Variants in FHIT observed in about 807,000 individuals in gnomAD.
FHIT encodes bis(5'-adenosyl)-triphosphatase.
A neutral mutation model predicts 17.9 loss-of-function variants in FHIT; 19 were observed. That is an observed-to-expected ratio of 1.06 (90% CI 0.74 to 1.56). The LOEUF (loss-of-function observed/expected upper bound fraction) is 1.56, where lower values mean the gene tolerates loss of function less well. FHIT is among the 40% of genes most tolerant of loss of function. The pLI is 0.00. For synonymous variants in FHIT, 81 were observed against 69.7 expected (o/e 1.16, Z -0.81); for missense variants, 248 against 189.2 (o/e 1.31, Z -1.82).
chr3:60,927,808 G>T (rs1707727669), intron 3 of FHIT, among the ~76,000 whole-genome samples: 1 of 152,266 alleles, frequency 6.6e-6, no homozygotes, highest in African/African-American at 2.4e-5. Flanking sequence ...TCTGGGAGGT[G>T]TACCCACCAG....
At chr3:61,005,964 T>C (rs2031418997) in intron 3 of FHIT, among the ~76,000 whole-genome samples, 1 of 151,990 alleles carries the variant, frequency 6.6e-6, no homozygotes, top group South Asian at 2.1e-4. Flanking sequence ...CAGTTTAGAA[T>C]CTGAGGGTGA....
chr3:60,362,338 T>C (rs1409985121), intron 5 of FHIT, among the ~76,000 whole-genome samples: 3 of 152,220 alleles, frequency 2.0e-5, no homozygotes, highest in South Asian at 2.1e-4. Flanking sequence ...GATATTGAGA[T>C]ACAATACTTA....
intron 5 of FHIT, among the ~76,000 whole-genome samples, chr3:60,234,115 T>C (rs1197027536): frequency 6.6e-6 from 1 of 152,208 alleles, no homozygotes; most frequent in African/African-American, 2.4e-5. Context: ...CCAGTGCCTA[T>C]GATAGTGCCT....
intron 5 of FHIT, among the ~76,000 whole-genome samples, chr3:60,376,332 G>T (rs944942790): frequency 1.3e-5 from 2 of 152,152 alleles, no homozygotes; most frequent in African/African-American, 4.8e-5. Flanking sequence ...ATATTAATAA[G>T]TTGGTTAAGT....
intron 8 of FHIT, among the ~76,000 whole-genome samples, chr3:59,792,453 T>TG (rs1303066807): frequency 2.0e-5 from 3 of 152,120 alleles, no homozygotes; most frequent in African/African-American, 7.2e-5. Context: ...TCTGTACTAA[T>TG]GAGAAGCTTA....
At chr3:60,169,465 A>G (rs1376626728) in intron 5 of FHIT, among the ~76,000 whole-genome samples, 1 of 152,194 alleles carries the variant, frequency 6.6e-6, no homozygotes, top group Non-Finnish European at 1.5e-5. Context: ...CGTAATGAAA[A>G]CATTAAAAAC....
At chr3:60,889,073 C>A (rs988186982) in intron 3 of FHIT, among the ~76,000 whole-genome samples, 15 of 152,130 alleles carry the variant, frequency 9.9e-5, no homozygotes, top group Non-Finnish European at 8.8e-5. Context: ...CTACTCCACC[C>A]CAACTCATTC....
chr3:60,921,664 A>C (rs1707289865), intron 3 of FHIT, among the ~76,000 whole-genome samples: 1 of 152,168 alleles, frequency 6.6e-6, no homozygotes, highest in Non-Finnish European at 1.5e-5. Context: ...GTTGATCTTA[A>C]ATCAAAAGCC....
intron 4 of FHIT, among the ~76,000 whole-genome samples, chr3:60,787,951 A>G (rs1251116671): frequency 6.6e-6 from 1 of 152,216 alleles, no homozygotes; most frequent in Non-Finnish European, 1.5e-5. Flanking sequence ...GTTCCTGAGT[A>G]CAAGAAGAAT....
intron 8 of FHIT, among the ~76,000 whole-genome samples, chr3:59,809,842 T>C (rs1700345968): frequency 6.6e-6 from 1 of 152,172 alleles, no homozygotes; most frequent in Non-Finnish European, 1.5e-5. Flanking sequence ...TGTTCCTCCT[T>C]TGTTCCCCGC....
At chr3:60,595,892 G>A (rs150101700) in intron 4 of FHIT, among the ~76,000 whole-genome samples, 16 of 151,952 alleles carry the variant, frequency 1.1e-4, no homozygotes, top group African/African-American at 1.2e-4. Context: ...CCCACAGCAC[G>A]GGAATTATAG....
intron 1 of FHIT, among the ~76,000 whole-genome samples, chr3:61,227,152 C>T (rs904088291): frequency 7.2e-5 from 11 of 152,114 alleles, no homozygotes; most frequent in African/African-American, 1.7e-4. Context: ...GGACTTTTCT[C>T]CTCAGAATGT....
At chr3:60,021,273 A>AG (rs1700543937) in intron 5 of FHIT, among the ~76,000 whole-genome samples, 1 of 152,158 alleles carries the variant, frequency 6.6e-6, no homozygotes, top group Non-Finnish European at 1.5e-5. Context: ...ATCCTTGTCT[A>AG]GGCAACATGC....
chr3:60,076,612 T>C (rs1211290216), intron 5 of FHIT, among the ~76,000 whole-genome samples: 2 of 152,074 alleles, frequency 1.3e-5, no homozygotes, highest in African/African-American at 4.8e-5. Flanking sequence ...TGCATGTTTA[T>C]GTAGTGAGAC....
Position 60,290,151 on chromosome 3 carries a change from C to T in FHIT, c.103+246709G>A, listed in dbSNP as rs186462153. On this transcript the variant is annotated intron_variant, in intron 5 of 9. Coordinates refer to ENST00000492590, the MANE Select transcript of FHIT (RefSeq NM_002012.4). ...ATTTGACACCAGGCCCCTCTGTGTT[C>T]CGAGAAGTCAGCACATACCCTAAGC... Among the ~76,000 whole-genome samples the T allele has an allele frequency of 1.6e-3, 244 of 152,238 alleles. 1 individual carries two copies. The highest frequency in any genetic ancestry group is 2.7e-3 in the Non-Finnish European group (184 of 68,014).
intron 5 of FHIT, among the ~76,000 whole-genome samples, chr3:60,340,731 A>G (rs746261807): frequency 5.9e-5 from 9 of 152,004 alleles, no homozygotes; most frequent in African/African-American, 1.5e-4. Context: ...TTTTTGAGAC[A>G]GAGTCTCACT....
chr3:60,184,583 G>A (rs183129358), intron 5 of FHIT, among the ~76,000 whole-genome samples: 26 of 152,232 alleles, frequency 1.7e-4, no homozygotes, highest in African/African-American at 5.5e-4. Flanking sequence ...ACTTATCACC[G>A]ATGATGTTAA....
intron 7 of FHIT, among the ~76,000 whole-genome samples, chr3:59,928,200 A>G (rs1705770084): frequency 1.3e-5 from 2 of 152,224 alleles, no homozygotes; most frequent in Admixed American, 1.3e-4. Context: ...TACTGTGGTA[A>G]AACGATAATG....
chr3:60,033,879 T>C (rs1158285881), intron 5 of FHIT, among the ~76,000 whole-genome samples: 2 of 152,224 alleles, frequency 1.3e-5, no homozygotes, highest in African/African-American at 2.4e-5. Flanking sequence ...AACATTATCA[T>C]TTATGTTCTC....
Sources: allele counts gnomAD v4.1 joint callset (sites outside exome capture counted in the v4.1 genomes callset), GRCh38; gene constraint gnomAD v4.1.1; transcripts MANE v1.5; gene names NCBI Gene and HGNC (gene_info 2026-07-23, HGNC 2026-07-21).